The following ARSB variants were observed in gnomAD, a reference collection of about 807,000 sequenced individuals.
The protein encoded by ARSB is N-acetylgalactosamine-4-sulfatase.
ARSB carries 41 observed loss-of-function variants against 50.9 expected under a neutral mutation model. The observed-to-expected ratio is 0.81, with a 90% CI of 0.63 to 1.04. The LOEUF is 1.04. ARSB is among the 50% of genes least tolerant of loss of function. The pLI is 0.00. For missense variants in ARSB, 672 were observed against 693.3 expected, an observed-to-expected ratio of 0.97 and a Z score of 0.35; for synonymous variants, 269 against 284.8, an observed-to-expected ratio of 0.94 and a Z score of 0.56.
At chr5:78,815,441 C>A (rs1429044567) in intron 6 of ARSB, 8 of 732,652 alleles carry the variant, frequency 1.1e-5, no homozygotes, top group Non-Finnish European at 1.3e-5. Flanking sequence ...GAACAAGACA[C>A]CCCTCTCTGT....
chr5:78,780,852 G>T (rs187381325), intron 7 of ARSB, among the ~76,000 whole-genome samples, 190 bp from the exon 8 acceptor site: 3 of 152,218 alleles, frequency 2.0e-5, no homozygotes, highest in Admixed American at 2.0e-4. Flanking sequence ...ATGTCTCACT[G>T]CTTCACAAGC....
At chr5:78,959,333 C>A (rs1751881923) in intron 3 of ARSB, among the ~76,000 whole-genome samples, 1 of 143,172 alleles carries the variant, frequency 7.0e-6, no homozygotes, top group Non-Finnish European at 1.5e-5. Context: ...TACCCAGTCT[C>A]AGGCAGCTTT....
At chr5:78,800,233 G>C (rs1743334187) in intron 6 of ARSB, among the ~76,000 whole-genome samples, 1 of 151,504 alleles carries the variant, frequency 6.6e-6, no homozygotes, top group Admixed American at 6.6e-5. Flanking sequence ...TGAGAAGATT[G>C]CTTGAACCCA....
At position 78,780,459 on chromosome 5, in the gene ARSB, A is replaced by C; in HGVS notation, c.1540T>G (p.Phe514Val). 3 of 1,614,140 alleles carry C rather than the reference A, an allele frequency of 1.9e-6. No individual in the cohort carries two copies. Among genetic ancestry groups the C allele is most frequent in the Non-Finnish European group, 2.5e-6 (3 of 1,180,016 alleles). ...FYHKHSVPVY[F>V]PAQDPRCDPK... ...TCACAGCGGGGGTCCTGTGCAGGGA[A>C]GTACACGGGGACTGAGTGTTTATGG... The change falls in exon 8 of 8, where the codon TTC becomes GTC. Residue 514 changes from phenylalanine (F) to valine (V), a missense_variant. Coordinates refer to ENST00000264914, the MANE Select transcript of ARSB (RefSeq NM_000046.5).
intron 1 of ARSB, among the ~76,000 whole-genome samples, chr5:78,981,661 A>G (rs1580163805): frequency 6.6e-6 from 1 of 152,230 alleles, no homozygotes; most frequent in Non-Finnish European, 1.5e-5. Flanking sequence ...TGTGGAAATG[A>G]TGGCCAGCGA....
chr5:78,891,780 G>T (rs1748305131), intron 4 of ARSB, among the ~76,000 whole-genome samples: 1 of 152,148 alleles, frequency 6.6e-6, no homozygotes, highest in Non-Finnish European at 1.5e-5. Context: ...ATACTATTAG[G>T]TATACTCTGC....
At chr5:78,975,208 C>CA (rs1024632026) in intron 1 of ARSB, among the ~76,000 whole-genome samples, 11 of 152,346 alleles carry the variant, frequency 7.2e-5, no homozygotes, top group South Asian at 2.1e-4. Flanking sequence ...GAGGAGCAGG[C>CA]AGGACAGTGA....
At chr5:78,970,756 C>A (rs960396511) in intron 1 of ARSB, among the ~76,000 whole-genome samples, 3 of 152,118 alleles carry the variant, frequency 2.0e-5, no homozygotes, top group Admixed American at 6.5e-5. Context: ...GAATTCCAGA[C>A]CAGCCTGGGC....
chr5:78,850,634 G>A (rs1745722238), intron 5 of ARSB, among the ~76,000 whole-genome samples: 1 of 152,184 alleles, frequency 6.6e-6, no homozygotes, highest in Admixed American at 6.5e-5. Flanking sequence ...AGAAGGAATG[G>A]TACCAGTTCC....
intron 1 of ARSB, among the ~76,000 whole-genome samples, chr5:78,971,305 T>C (rs1170575043): frequency 2.0e-5 from 3 of 152,182 alleles, no homozygotes; most frequent in Non-Finnish European, 4.4e-5. Context: ...GAGATGCTCT[T>C]CTTTGTAGAA....
rs1239558937 is a variant in ARSB, at chr5:78,778,518, C to T, written c.*1879G>A. The T allele has an allele frequency of 6.6e-6, 1 of 152,146 alleles. No individual in the cohort carries two copies. The highest frequency in any genetic ancestry group is 1.5e-5 in the Non-Finnish European group (1 of 68,036). 9.4% of individuals were successfully genotyped at this position (152,146 alleles called of 1,614,324 possible). A position where few individuals can be genotyped will look rare whatever the true frequency, so the allele number is the denominator to read the frequency against. On this transcript the variant is annotated 3_prime_UTR_variant, in exon 8 of 8. Transcript: ENST00000264914. ...TGGTAGGCACAGTTCCTTTTCTCCC[C>T]CCACTGGAGAGGACGCTACAACCTT...
intron 6 of ARSB, among the ~76,000 whole-genome samples, chr5:78,805,635 A>G (rs989601725): frequency 2.0e-5 from 3 of 152,236 alleles, no homozygotes; most frequent in African/African-American, 7.2e-5. Flanking sequence ...TAGAAAAACA[A>G]GCAGGAAAGA....
In ARSB at chr5:78,777,850, T is replaced by G. The variant is rs1220203372; in HGVS notation, c.*2547A>C. 5 of 36,982 alleles carry G rather than the reference T, an allele frequency of 1.4e-4. No individual in the cohort carries two copies. The highest frequency in any genetic ancestry group is 1.3e-3 in the Admixed American group (5 of 3,920). The allele number at this position is 36,982 out of a possible 1,614,324, so 2.3% of individuals were successfully genotyped here. A position where few individuals can be genotyped will look rare whatever the true frequency, so the allele number is the denominator to read the frequency against. On this transcript the variant is annotated 3_prime_UTR_variant, in exon 8 of 8. Coordinates refer to ENST00000264914, the MANE Select transcript of ARSB (RefSeq NM_000046.5). ...CTGGGTGACAGAGCGAGACTCCATC[T>G]CAAAAAAAAAAAAAAAAAAAATTGG...
chr5:78,795,124 T>C (rs929750476), intron 6 of ARSB, among the ~76,000 whole-genome samples: 1 of 152,216 alleles, frequency 6.6e-6, no homozygotes, highest in African/African-American at 2.4e-5. Context: ...TTAGCTATTA[T>C]TGTTATCATC....
chr5:78,962,717 A>G (rs1752046383), intron 3 of ARSB, among the ~76,000 whole-genome samples: 1 of 151,856 alleles, frequency 6.6e-6, no homozygotes. Flanking sequence ...TTTAGTAGAG[A>G]CGGGGTTTCT....
intron 1 of ARSB, among the ~76,000 whole-genome samples, chr5:78,970,208 C>T (rs1752392723): frequency 6.6e-6 from 1 of 152,038 alleles, no homozygotes; most frequent in South Asian, 2.1e-4. Flanking sequence ...CTTTGTGGGG[C>T]CAGATTTTTC....
intron 4 of ARSB, among the ~76,000 whole-genome samples, chr5:78,890,787 T>A (rs1748256365): frequency 6.6e-6 from 1 of 152,218 alleles, no homozygotes; most frequent in African/African-American, 2.4e-5. Context: ...CACGTAGAAC[T>A]AACTTCTCCC....
chr5:78,875,479 CGTTA>C (rs1381191188), intron 5 of ARSB, among the ~76,000 whole-genome samples: 1 of 151,870 alleles, frequency 6.6e-6, no homozygotes, highest in Non-Finnish European at 1.5e-5. Context: ...ATGCTGTAGA[CGTTA>C]GTTTATTGTC....
At chr5:78,881,451 A>G (rs1027704615) in intron 5 of ARSB, among the ~76,000 whole-genome samples, 4 of 152,214 alleles carry the variant, frequency 2.6e-5, no homozygotes, top group Admixed American at 6.5e-5. Context: ...TTTGCAAGAA[A>G]TACAACAATC....
Sources: allele counts gnomAD v4.1 joint callset (sites outside exome capture counted in the v4.1 genomes callset), GRCh38; gene constraint gnomAD v4.1.1; transcripts MANE v1.5; gene names NCBI Gene and HGNC (gene_info 2026-07-23, HGNC 2026-07-21).